Variants in TRAPPC12 observed in about 807,000 individuals in gnomAD.
TRAPPC12 encodes TPR repeat protein 15.
Under a neutral mutation model 69.2 loss-of-function variants are expected in TRAPPC12, and 61 were observed. The observed-to-expected ratio is 0.88, with a 90% CI of 0.72 to 1.09. The LOEUF is 1.09. TRAPPC12 is among the 50% of genes least tolerant of loss of function. The pLI is 0.00. For synonymous variants in TRAPPC12, 469 were observed against 438.9 expected, an observed-to-expected ratio of 1.07 and a Z score of -0.86; for missense variants, 1,101 against 1,016.4, an observed-to-expected ratio of 1.08 and a Z score of -1.13.
chr2:3,470,392 G>A (rs1273892854), intron 9 of TRAPPC12, among the ~76,000 whole-genome samples: 2 of 152,262 alleles, frequency 1.3e-5, no homozygotes, highest in African/African-American at 2.4e-5. Context: ...TCGCAGCCCC[G>A]GCAAACGATG....
chr2:3,412,186 G>A (rs534828862), intron 3 of TRAPPC12, among the ~76,000 whole-genome samples: 2 of 152,216 alleles, frequency 1.3e-5, no homozygotes, highest in African/African-American at 4.8e-5. Context: ...CATTAGATGC[G>A]GCCACTGCCC....
intron 1 of TRAPPC12, among the ~76,000 whole-genome samples, chr2:3,381,009 G>A (rs1324603879): frequency 2.0e-5 from 3 of 152,222 alleles, no homozygotes. Flanking sequence ...CCTTGCAAGA[G>A]GAGCTGAGAG....
chr2:3,406,925 C>T (rs1033378788), intron 3 of TRAPPC12, among the ~76,000 whole-genome samples: 5 of 152,118 alleles, frequency 3.3e-5, no homozygotes, highest in Non-Finnish European at 7.4e-5. Flanking sequence ...ATACTTGAGA[C>T]CATCAGAAAT....
Position 3,388,681 on chromosome 2 carries a change from G to C in TRAPPC12, c.1047+11G>C. 1.3e-6 allele frequency: 2 copies of C among 1,529,556 alleles called. No individual in the cohort carries two copies. Among genetic ancestry groups the C allele is most frequent in the Non-Finnish European group, 1.8e-6 (2 of 1,134,316 alleles). The allele number at this position is 1,529,556 out of a possible 1,614,324, so 94.7% of individuals were successfully genotyped here. A position where few individuals can be genotyped will look rare whatever the true frequency, so the allele number is the denominator to read the frequency against. ...TTCGACAACATCCAGGTGAGCCCGG[G>C]TCTCCCACCTCCGCAGCCCGTGCCT... On this transcript the variant is annotated intron_variant, in intron 2 of 11. Transcript: ENST00000324266.
chr2:3,479,411 G>T lies in TRAPPC12; in HGVS notation c.2158G>T (p.Ala720Ser). The T allele has an allele frequency of 6.2e-7, 1 of 1,614,098 alleles. No individual in the cohort carries two copies. Among genetic ancestry groups the T allele is most frequent in the East Asian group, 2.2e-5 (1 of 44,888 alleles). ...QKKQALLEAV[A>S]GKEGDSFNTQ... ...GAAACAGGCCCTGCTGGAGGCTGTC[G>T]CCGGCAAGGAGGGGGACAGCTTCAA... The change falls in exon 12 of 12, where the codon GCC becomes TCC. Residue 720 changes from alanine to serine, a missense_variant. Physicochemically the swap from Ala to Ser is moderately conservative, Grantham distance 99 (BLOSUM62 1). Coordinates refer to ENST00000324266, the MANE Select transcript of TRAPPC12 (RefSeq NM_016030.6).
chr2:3,478,893 T>C lies in TRAPPC12; in HGVS notation c.1925T>C (p.Phe642Ser). ...AATAACTTTGCAGAAGCCCACAGGT[T>C]CTTCACAGAGATCTTAAGGATGGAT... ...GQNNFAEAHR[F>S]FTEILRMDPR... The change falls in exon 11 of 12, where the codon TTC (phenylalanine) becomes TCC (serine). Residue 642 changes from phenylalanine (F) to serine (S), a missense_variant. Physicochemically the swap from Phe to Ser is radical, Grantham distance 155 (BLOSUM62 -2). Transcript: ENST00000324266. 6.2e-7 allele frequency: 1 copy of C among 1,614,168 alleles called. No individual in the cohort carries two copies. Among genetic ancestry groups the C allele is most frequent in the Non-Finnish European group, 8.5e-7 (1 of 1,180,030 alleles).
intron 3 of TRAPPC12, among the ~76,000 whole-genome samples, chr2:3,409,296 A>C (rs1283233197): frequency 6.6e-6 from 1 of 152,222 alleles, no homozygotes; most frequent in Non-Finnish European, 1.5e-5. Context: ...TGTGCCTAGA[A>C]ATGTTTTTGA....
At chr2:3,454,037 T>G (rs547607646) in intron 6 of TRAPPC12, among the ~76,000 whole-genome samples, 2 of 152,216 alleles carry the variant, frequency 1.3e-5, no homozygotes, top group Admixed American at 1.3e-4. Context: ...CAATAGTCAC[T>G]GAGGGTCAGA....
intron 1 of TRAPPC12, among the ~76,000 whole-genome samples, chr2:3,385,364 G>A (rs1229484031): frequency 1.3e-5 from 2 of 151,970 alleles, no homozygotes; most frequent in African/African-American, 4.8e-5. Flanking sequence ...TCTCAAAAGT[G>A]GTTTGCAGGT....
At chr2:3,430,260 G>C (rs1366620743) in intron 5 of TRAPPC12, among the ~76,000 whole-genome samples, 2 of 152,162 alleles carry the variant, frequency 1.3e-5, no homozygotes, top group Non-Finnish European at 2.9e-5. Context: ...ACATGTTCAG[G>C]CGTTTCTCTG....
intron 9 of TRAPPC12, chr2:3,467,469 T>C (rs1040142212): frequency 2.6e-5 from 4 of 152,272 alleles, no homozygotes; most frequent in Non-Finnish European, 5.9e-5. Context: ...GGGATATCTC[T>C]GAAGACGTTG....
intron 3 of TRAPPC12, among the ~76,000 whole-genome samples, chr2:3,404,719 A>G (rs1661630297): frequency 6.6e-6 from 1 of 152,126 alleles, no homozygotes; most frequent in South Asian, 2.1e-4. Context: ...CAGGCACAGA[A>G]TGGGTACACG....
intron 9 of TRAPPC12, among the ~76,000 whole-genome samples, chr2:3,466,704 A>C (rs1274222179): frequency 6.6e-6 from 1 of 152,186 alleles, no homozygotes; most frequent in Non-Finnish European, 1.5e-5. Context: ...GTTGGAGGAC[A>C]GCCCTGTCCA....
intron 3 of TRAPPC12, among the ~76,000 whole-genome samples, chr2:3,413,467 A>C (rs1182081567): frequency 3.3e-5 from 5 of 152,196 alleles, no homozygotes; most frequent in African/African-American, 1.2e-4. Context: ...TCGGTTAGTG[A>C]ACAGTTTTAT....
At chr2:3,396,203 A>T (rs1572093516) in intron 2 of TRAPPC12, among the ~76,000 whole-genome samples, 1 of 151,956 alleles carries the variant, frequency 6.6e-6, no homozygotes, top group South Asian at 2.1e-4. Flanking sequence ...CCAAATATAC[A>T]ACATATTTAC....
At position 3,421,989 on chromosome 2, in the gene TRAPPC12, C is replaced by T. The variant is rs766141599; in HGVS notation, c.1273C>T (p.Leu425=). The change falls in exon 4 of 12, where the codon CTG becomes TTG. Residue 425 remains leucine, a synonymous_variant. Coordinates refer to ENST00000324266, the MANE Select transcript of TRAPPC12 (RefSeq NM_016030.6). ...GCTCACCAGCCACACGACAGATTCA[C>T]TGCAGGTGAGAACACCTTTCAGGTG... ...GLLTSHTTDS[L]QLWFVRLALL... 1 of 1,611,660 alleles carries T rather than the reference C, an allele frequency of 6.2e-7. No individual in the cohort carries two copies. Among genetic ancestry groups the T allele is most frequent in the Admixed American group, 1.7e-5 (1 of 59,802 alleles).
chr2:3,382,335 A>G (rs1313045594), intron 1 of TRAPPC12, among the ~76,000 whole-genome samples: 2 of 152,100 alleles, frequency 1.3e-5, no homozygotes, highest in Admixed American at 1.3e-4. Context: ...GCATTTCACT[A>G]TGTTAGCCGG....
intron 2 of TRAPPC12, among the ~76,000 whole-genome samples, chr2:3,401,450 G>T (rs1161298451): frequency 6.6e-6 from 1 of 152,178 alleles, no homozygotes; most frequent in African/African-American, 2.4e-5. Context: ...TGCTGGCTTG[G>T]CTTTGCCTCT....
intron 3 of TRAPPC12, among the ~76,000 whole-genome samples, chr2:3,404,818 G>A (rs1057231978): frequency 4.0e-5 from 6 of 150,362 alleles, no homozygotes; most frequent in African/African-American, 1.5e-4. Flanking sequence ...AAGAAGTAGC[G>A]TCAGAATGTT....
Sources: allele counts gnomAD v4.1 joint callset (sites outside exome capture counted in the v4.1 genomes callset), GRCh38; gene constraint gnomAD v4.1.1; transcripts MANE v1.5; gene names NCBI Gene and HGNC (gene_info 2026-07-23, HGNC 2026-07-21).